ATP6V1E2: variants seen among roughly 807,000 people sequenced by gnomAD.
The protein encoded by ATP6V1E2 is ATPase H+ transporting V1 subunit E2.
For synonymous variants in ATP6V1E2, 121 were observed against 104.2 expected (o/e 1.16, Z -0.98); for missense variants, 308 against 273.3 (o/e 1.13, Z -0.90).
In ATP6V1E2 at chr2:46,524,656, C is replaced by A. The variant is rs867314706; in HGVS notation, c.-102+11157G>T. Among the ~76,000 whole-genome samples, 5 of 152,116 alleles carry A rather than the reference C, an allele frequency of 3.3e-5. No individual in the cohort carries two copies. In the South Asian group the frequency reaches 8.3e-4, roughly 25 times the overall value. On this transcript the variant is annotated intron_variant, in intron 4 of 4. Coordinates refer to ENST00000522587, the MANE Select transcript of ATP6V1E2 (RefSeq NM_001318063.2). ...AGGTAGCAGCCCTGTGGGCAAGGGG[C>A]CAGTCAGGGAGGGAGTAGTAAGGAT...
intron 4 of ATP6V1E2, among the ~76,000 whole-genome samples, chr2:46,524,722 G>A (rs1666805763): frequency 6.6e-6 from 1 of 152,204 alleles, no homozygotes; most frequent in Non-Finnish European, 1.5e-5. Context: ...CAGAAAGAAA[G>A]TAAGACACTG....
intron 4 of ATP6V1E2, among the ~76,000 whole-genome samples, chr2:46,515,695 A>G (rs1021142736): frequency 1.3e-5 from 2 of 152,222 alleles, no homozygotes; most frequent in African/African-American, 4.8e-5. Flanking sequence ...CTTTAAATAT[A>G]AATGGATTAA....
At chr2:46,522,609 T>G (rs1666697744) in intron 4 of ATP6V1E2, among the ~76,000 whole-genome samples, 1 of 152,252 alleles carries the variant, frequency 6.6e-6, no homozygotes, top group Admixed American at 6.5e-5. Flanking sequence ...CCATGGTGTG[T>G]ATGTACTACA....
At chr2:46,540,613 CTTTTTTTTTTTTTTT>C (rs59810518) in intron 2 of ATP6V1E2, among the ~76,000 whole-genome samples, 6 of 115,650 alleles carry the variant, frequency 5.2e-5, no homozygotes, top group Non-Finnish European at 3.6e-5. Context: ...TTTTCTGTAA[CTTTTTTTTTTTTTTT>C]TTTTTTTTTT....
At chr2:46,518,031 T>C (rs939741824) in intron 4 of ATP6V1E2, among the ~76,000 whole-genome samples, 66 of 152,212 alleles carry the variant, frequency 4.3e-4, no homozygotes, top group African/African-American at 1.5e-3. Context: ...AATAGAATCT[T>C]GAAGAAATGT....
intron 4 of ATP6V1E2, among the ~76,000 whole-genome samples, chr2:46,523,058 T>G (rs1666720722): frequency 6.6e-6 from 1 of 152,226 alleles, no homozygotes; most frequent in Non-Finnish European, 1.5e-5. Context: ...AAATGTCTGT[T>G]CATATCCTTT....
chr2:46,523,156 T>C (rs892891250), intron 4 of ATP6V1E2, among the ~76,000 whole-genome samples: 1 of 152,220 alleles, frequency 6.6e-6, no homozygotes, highest in African/African-American at 2.4e-5. Flanking sequence ...GGTGAGTAGA[T>C]TGAAAAAATT....
At chr2:46,537,665 T>G (rs1667517865) in intron 2 of ATP6V1E2, 1 of 151,958 alleles carries the variant, frequency 6.6e-6, no homozygotes, top group Non-Finnish European at 1.5e-5. Flanking sequence ...ATAACAGAAG[T>G]CCATACACTT....
chr2:46,521,723 C>T (rs1221029375), intron 4 of ATP6V1E2, among the ~76,000 whole-genome samples: 1 of 152,124 alleles, frequency 6.6e-6, no homozygotes, highest in Non-Finnish European at 1.5e-5. Flanking sequence ...CAGAGTCTCA[C>T]TCTGTCGCCC....
intron 4 of ATP6V1E2, among the ~76,000 whole-genome samples, chr2:46,521,628 T>C (rs1666630620): frequency 6.6e-6 from 1 of 151,980 alleles, no homozygotes; most frequent in Admixed American, 6.6e-5. Context: ...AATGACTCCT[T>C]TGGGGGATTT....
chr2:46,519,546 C>G (rs928112780), intron 4 of ATP6V1E2: 3 of 152,300 alleles, frequency 2.0e-5, no homozygotes, highest in Non-Finnish European at 4.4e-5. Context: ...GGCGTGGACT[C>G]TGCAGTCAGA....
In ATP6V1E2 at chr2:46,511,947, A is replaced by T. The variant is rs975870295; in HGVS notation, c.*84T>A. The T allele has an allele frequency of 1.6e-6, 2 of 1,216,470 alleles. No homozygotes were observed. The highest frequency in any genetic ancestry group is 3.0e-5 in the African/African-American group (2 of 65,694). The allele number at this position is 1,216,470 out of a possible 1,614,324, so 75.4% of individuals were successfully genotyped here. On this transcript the variant is annotated 3_prime_UTR_variant, in exon 5 of 5. Transcript: ENST00000522587. Reference sequence around the variant, plus strand: ...GAACAGTATCAGAGCATCAAAGAGGAGGAAACACTACTAGTTTCCTTTCCC... The same window carrying T: ...GAACAGTATCAGAGCATCAAAGAGGTGGAAACACTACTAGTTTCCTTTCCC...
chr2:46,525,569 G>A (rs1666879112), intron 4 of ATP6V1E2, among the ~76,000 whole-genome samples: 1 of 151,720 alleles, frequency 6.6e-6, no homozygotes. Context: ...ATTTGGTCTA[G>A]AAGTAACAGG....
At chr2:46,523,800 T>C (rs528902480) in intron 4 of ATP6V1E2, among the ~76,000 whole-genome samples, 86 of 152,346 alleles carry the variant, frequency 5.6e-4, no homozygotes, top group African/African-American at 2.0e-3. Context: ...GGAATAGCAC[T>C]GAATCTATAA....
intron 2 of ATP6V1E2, among the ~76,000 whole-genome samples, chr2:46,539,563 T>C (rs573423963): frequency 6.6e-6 from 1 of 152,388 alleles, no homozygotes; most frequent in Admixed American, 6.5e-5. Flanking sequence ...CAGTGGAGAC[T>C]GCCCAACCCA....
At chr2:46,526,660 T>G (rs1666936754) in intron 4 of ATP6V1E2, among the ~76,000 whole-genome samples, 1 of 152,208 alleles carries the variant, frequency 6.6e-6, no homozygotes, top group South Asian at 2.1e-4. Flanking sequence ...GGCTGGCTTA[T>G]TTCACTTAGT....
At chr2:46,528,059 G>T (rs562466435) in intron 4 of ATP6V1E2, 343 of 152,268 alleles carry the variant, frequency 2.3e-3, no homozygotes, top group African/African-American at 7.9e-3. Flanking sequence ...TGAATAAAAA[G>T]AAATGAAACC....
intron 4 of ATP6V1E2, among the ~76,000 whole-genome samples, chr2:46,515,869 G>A (rs1304704166): frequency 6.6e-6 from 1 of 152,142 alleles, no homozygotes; most frequent in Non-Finnish European, 1.5e-5. Flanking sequence ...ACAAGAGAGG[G>A]CAGGGGTGGC....
At chr2:46,540,156 G>A (rs971941161) in intron 2 of ATP6V1E2, among the ~76,000 whole-genome samples, 1 of 152,154 alleles carries the variant, frequency 6.6e-6, no homozygotes, top group Non-Finnish European at 1.5e-5. Context: ...GCCAGATGCA[G>A]TGACCTGTAA....
Sources: gnomAD v4.1 joint callset for allele counts (sites outside exome capture counted in the v4.1 genomes callset) on GRCh38, gnomAD v4.1.1 for gene constraint, MANE v1.5 for transcripts, NCBI Gene and HGNC (gene_info 2026-07-23, HGNC 2026-07-21) for gene names.